Variants in RNF6 observed in about 807,000 individuals in gnomAD.
RNF6 encodes the protein ring finger protein 6, also known as E3 ubiquitin-protein ligase RNF6.
In RNF6, 21 loss-of-function variants were observed where a neutral mutation model predicts 50.1. The ratio of observed to expected loss-of-function variants is 0.42; its 90% CI spans 0.30 to 0.60. RNF6 has a LOEUF of 0.60. Among genes scored for constraint, RNF6 ranks in the 20% least tolerant of loss-of-function variants. The pLI is 0.20. For missense variants in RNF6, 698 were observed against 838.2 expected, an observed-to-expected ratio of 0.83 and a Z score of 2.07; for synonymous variants, 255 against 291.8, an observed-to-expected ratio of 0.87 and a Z score of 1.29.
In RNF6 at chr13:26,147,476, A is replaced by G. The variant is rs540518317; in HGVS notation, n.769-15025T>C. 2.0e-5 allele frequency among the ~76,000 whole-genome samples: 3 copies of G among 152,302 alleles called. No homozygotes were observed. In the East Asian group the frequency reaches 5.8e-4, roughly 29 times the overall value. On this transcript the variant is annotated intron_variant and non_coding_transcript_variant, in intron 5 of 5. Transcript: ENST00000468480. ...GTGGAGGAGCTGATACTAATGGAGG[A>G]AGAGAGGCTTATACCACTGGGTGTG...
intron 5 of RNF6, among the ~76,000 whole-genome samples, chr13:26,202,497 G>T (rs1022064237): frequency 1.3e-5 from 2 of 152,286 alleles, no homozygotes; most frequent in East Asian, 1.9e-4. Context: ...GCTATGCCAG[G>T]TTCCTGAAAT....
intron 5 of RNF6, among the ~76,000 whole-genome samples, chr13:26,149,586 A>G (rs528612723): frequency 6.9e-6 from 1 of 143,942 alleles, no homozygotes; most frequent in South Asian, 2.2e-4. Flanking sequence ...GACTCCGTCT[A>G]AAAAAAAAAA....
chr13:26,133,959 T>G (rs1184334951), intron 5 of RNF6, among the ~76,000 whole-genome samples: 1 of 152,222 alleles, frequency 6.6e-6, no homozygotes, highest in African/African-American at 2.4e-5. Context: ...ACTCTGGATA[T>G]CATTTAAACT....
At chr13:26,132,206 C>T (rs1322595394) in exon 6 of RNF6, 1 of 250,094 alleles carries the variant, frequency 4.0e-6, no homozygotes, top group African/African-American at 2.3e-5. Flanking sequence ...ATTTCAAAGC[C>T]AAGTACAATA....
At chr13:26,154,116 T>A (rs1871782606) in intron 5 of RNF6, 1 of 152,278 alleles carries the variant, frequency 6.6e-6, no homozygotes, top group South Asian at 2.1e-4. Context: ...ACTGGCAGCT[T>A]TGGTAAACTG....
At chr13:26,175,704 A>T (rs1292440371) in intron 5 of RNF6, among the ~76,000 whole-genome samples, 1 of 152,132 alleles carries the variant, frequency 6.6e-6, no homozygotes, top group Non-Finnish European at 1.5e-5. Flanking sequence ...AGAGGGAGTG[A>T]GAGAGTAACA....
At chr13:26,178,525 G>A (rs900125541) in intron 5 of RNF6, among the ~76,000 whole-genome samples, 3 of 145,420 alleles carry the variant, frequency 2.1e-5, no homozygotes, top group Non-Finnish European at 4.5e-5. Flanking sequence ...GGTGGGGGAG[G>A]GCACCCAAAA....
At chr13:26,219,410 A>G (rs1324300141) in intron 3 of RNF6, 47 bp downstream of exon 3, 2 of 1,417,652 alleles carry the variant, frequency 1.4e-6, no homozygotes, top group East Asian at 4.6e-5. Context: ...AAATCCTTCC[A>G]TCTAAATGAT....
At chr13:26,193,167 A>AT (rs1054011549) in intron 5 of RNF6, among the ~76,000 whole-genome samples, 1 of 152,188 alleles carries the variant, frequency 6.6e-6, no homozygotes, top group Admixed American at 6.5e-5. Flanking sequence ...CAAGTTTTAC[A>AT]TTTGGGGGAG....
intron 5 of RNF6, among the ~76,000 whole-genome samples, chr13:26,165,561 G>A (rs1272567877): frequency 6.6e-6 from 1 of 152,190 alleles, no homozygotes; most frequent in African/African-American, 2.4e-5. Context: ...AAGCAGCTAG[G>A]AGGGAGGCTG....
chr13:26,132,316 A>G lies in RNF6; in HGVS notation n.904T>C, dbSNP rs1268099492. On this transcript the variant is annotated non_coding_transcript_exon_variant, in exon 6 of 6. Coordinates refer to the RNF6 transcript ENST00000468480. The stretch of plus-strand genomic sequence containing the variant: ...AAAAAAACTGTTTGTGAAGAGAAAG[A>G]TAATACATTTTACCCCTTAGGCTCC... The G allele has an allele frequency of 1.6e-5, 6 of 380,080 alleles. No homozygotes were observed. In the East Asian group the frequency reaches 4.4e-4, roughly 28 times the overall value. 23.5% of individuals were successfully genotyped at this position (380,080 alleles called of 1,614,324 possible).
At chr13:26,194,761 G>A (rs1426320138) in intron 5 of RNF6, among the ~76,000 whole-genome samples, 1 of 152,136 alleles carries the variant, frequency 6.6e-6, no homozygotes, top group Non-Finnish European at 1.5e-5. Context: ...TGAAGAACTT[G>A]GAGTCTGATG....
At chr13:26,170,110 G>T (rs956487743) in intron 5 of RNF6, among the ~76,000 whole-genome samples, 3 of 152,006 alleles carry the variant, frequency 2.0e-5, no homozygotes, top group Non-Finnish European at 2.9e-5. Context: ...AACACTAAGG[G>T]AGTATGTTTA....
intron 5 of RNF6, chr13:26,142,388 A>G (rs1871003779): frequency 6.6e-6 from 1 of 152,046 alleles, no homozygotes; most frequent in South Asian, 2.1e-4. Context: ...ACCCCCAAAA[A>G]CATGAATCAT....
chr13:26,214,692 A>G lies in RNF6; in HGVS notation c.1190T>C (p.Ile397Thr). The G allele has an allele frequency of 6.2e-7, 1 of 1,614,144 alleles. No homozygotes were observed. The highest frequency in any genetic ancestry group is 8.5e-7 in the Non-Finnish European group (1 of 1,180,040). The change falls in exon 5 of 5, where the codon ATC (isoleucine) becomes ACC (threonine). Residue 397 changes from isoleucine to threonine, a missense_variant. Ile to Thr is a moderately conservative substitution (Grantham distance 89). Transcript: ENST00000381588. The stretch of plus-strand genomic sequence containing the variant: ...CCTTCTCACTTGAAGGTCCAGTGTG[A>G]TTGTTGGATGTCGTCGTACAGCAGT... Reference protein sequence around the residue: ...SSTAVRRHPTITLDLQVRRIR... With the variant: ...SSTAVRRHPTTTLDLQVRRIR...
At chr13:26,135,854 G>C (rs960486830) in intron 5 of RNF6, among the ~76,000 whole-genome samples, 1 of 152,012 alleles carries the variant, frequency 6.6e-6, no homozygotes, top group African/African-American at 2.4e-5. Flanking sequence ...GCAAGATCTG[G>C]TTGTTTAAAG....
chr13:26,194,429 C>T (rs73158289), intron 5 of RNF6, among the ~76,000 whole-genome samples: 5,541 of 152,160 alleles, frequency 0.036, 149 homozygotes, highest in South Asian at 0.07. Flanking sequence ...GGCATAGGCT[C>T]GCTAAAAGAC....
intron 5 of RNF6, among the ~76,000 whole-genome samples, chr13:26,146,682 C>G (rs1253248987): frequency 1.3e-5 from 2 of 152,306 alleles, no homozygotes; most frequent in Non-Finnish European, 2.9e-5. Flanking sequence ...TATGGACCAC[C>G]TTTTCATCTA....
At chr13:26,174,650 C>T (rs1346472144) in intron 5 of RNF6, among the ~76,000 whole-genome samples, 1 of 152,104 alleles carries the variant, frequency 6.6e-6, no homozygotes, top group African/African-American at 2.4e-5. Flanking sequence ...GTTACTCACC[C>T]CCTTAGGCTG....
Sources: allele counts gnomAD v4.1 joint callset (sites outside exome capture counted in the v4.1 genomes callset), GRCh38; gene constraint gnomAD v4.1.1; transcripts MANE v1.5; gene names NCBI Gene and HGNC (gene_info 2026-07-23, HGNC 2026-07-21).